Variants in NHEJ1 observed in about 807,000 individuals in gnomAD.
NHEJ1 encodes the protein non-homologous end-joining factor 1.
A neutral mutation model predicts 39.4 loss-of-function variants in NHEJ1; 22 were observed. That is an observed-to-expected ratio of 0.56 (90% CI 0.40 to 0.80). The LOEUF (loss-of-function observed/expected upper bound fraction) is 0.80. Ranked by LOEUF, NHEJ1 falls within the 30% of genes least tolerant of loss-of-function variation. The pLI, the probability that NHEJ1 is intolerant of heterozygous loss-of-function variation, is 0.00. For missense variants in NHEJ1, 329 were observed against 357.1 expected (o/e 0.92, Z 0.63); for synonymous variants, 154 against 135.6 (o/e 1.14, Z -0.94).
intron 3 of NHEJ1, among the ~76,000 whole-genome samples, chr2:219,148,496 C>G (rs1362148246): frequency 6.6e-6 from 1 of 152,106 alleles, no homozygotes; most frequent in Non-Finnish European, 1.5e-5. Flanking sequence ...GAGGTCAAGG[C>G]TTCAGTGAGC....
chr2:219,158,477 T>C (rs559386998), intron 1 of NHEJ1, 115 bp from the exon 2 acceptor site: 13 of 932,414 alleles, frequency 1.4e-5, no homozygotes, highest in African/African-American at 8.0e-5. Context: ...CCTGATAAAA[T>C]AGAAGGCATG....
intron 5 of NHEJ1, among the ~76,000 whole-genome samples, chr2:219,118,120 G>A (rs1304369238): frequency 6.6e-6 from 1 of 152,154 alleles, no homozygotes; most frequent in Non-Finnish European, 1.5e-5. Context: ...CCATTGCCAT[G>A]AGGACCCCTG....
intron 3 of NHEJ1, among the ~76,000 whole-genome samples, chr2:219,148,785 C>G (rs1365146044): frequency 6.6e-6 from 1 of 152,042 alleles, no homozygotes; most frequent in East Asian, 1.9e-4. Context: ...TCTGTTCCCA[C>G]AAATGCAGCA....
At chr2:219,159,954 T>C (rs181939191) in intron 1 of NHEJ1, among the ~76,000 whole-genome samples, 3 of 151,948 alleles carry the variant, frequency 2.0e-5, no homozygotes, top group Non-Finnish European at 2.9e-5. Flanking sequence ...GTTTAAAATG[T>C]GGCCAGGAGT....
chr2:219,104,085 G>A (rs886131533), intron 5 of NHEJ1, among the ~76,000 whole-genome samples: 2 of 147,846 alleles, frequency 1.4e-5, no homozygotes, highest in Non-Finnish European at 1.5e-5. Context: ...GTTTTGTTTT[G>A]TCTCAGGTTT....
At position 219,076,299 on chromosome 2, in the gene NHEJ1, T is replaced by C. The variant is rs762761176; in HGVS notation, c.*82A>G. ...TGACTGTATCACTATTTTAGAAATA[T>C]TGCTGCCATGTAAGCTTCTTTCAAG... On this transcript the variant is annotated 3_prime_UTR_variant, in exon 8 of 8. Coordinates refer to ENST00000356853, the MANE Select transcript of NHEJ1 (RefSeq NM_024782.3). 6.2e-6 allele frequency: 10 copies of C among 1,612,518 alleles called. No homozygotes were observed. Among genetic ancestry groups the C allele is most frequent in the Non-Finnish European group, 8.5e-6 (10 of 1,179,388 alleles).
Position 219,077,315 on chromosome 2 carries a change from T to C in NHEJ1, c.756A>G (p.Gln252=), listed in dbSNP as rs2106319504. 2 of 1,614,128 alleles carry C rather than the reference T, an allele frequency of 1.2e-6. No individual in the cohort carries two copies. The highest frequency in any genetic ancestry group is 1.1e-5 in the South Asian group (1 of 91,076). ...NSASLQGIDS[Q]CVNQPEQLVS... is the part of the protein sequence containing the mutation. ...CCAGTTGTTCTGGCTGGTTTACACA[T>C]TGGCTATCGATTCCTTGCAGGGAAG... is the stretch of plus-strand genomic sequence containing the variant. Residue 252 remains glutamine, a synonymous_variant, in exon 7 of 8, where the codon CAA becomes CAG. Coordinates refer to ENST00000356853, the MANE Select transcript of NHEJ1 (RefSeq NM_024782.3).
chr2:219,135,093 T>A (rs1266045452), intron 5 of NHEJ1, among the ~76,000 whole-genome samples: 1 of 150,904 alleles, frequency 6.6e-6, no homozygotes, highest in Non-Finnish European at 1.5e-5. Flanking sequence ...CTTCATCTTA[T>A]GTTTTTAAAT....
At position 219,159,592 on chromosome 2, in the gene NHEJ1, T is replaced by TATATGC. The variant is rs767501418; in HGVS notation, c.-1+1127_-1+1128insGCATAT. Among the ~76,000 whole-genome samples the TATATGC allele has an allele frequency of 3.4e-3, 315 of 93,930 alleles. 10 individuals carry two copies. Among genetic ancestry groups the TATATGC allele is most frequent in the Middle Eastern group, 0.012 (2 of 170 alleles). The allele number at this position is 93,930 out of a possible 152,430, so 61.6% of individuals were successfully genotyped here. On this transcript the variant is annotated intron_variant, in intron 1 of 7. Transcript: ENST00000356853. ...ATATATATGCATATATATATGCATA[T>TATATGC]ATATATATGCATATATATACATATA...
chr2:219,106,023 T>C (rs1949310172), intron 5 of NHEJ1, among the ~76,000 whole-genome samples: 1 of 152,228 alleles, frequency 6.6e-6, no homozygotes, highest in African/African-American at 2.4e-5. Flanking sequence ...TTTAATAAAA[T>C]AGAATTATAT....
At chr2:219,101,607 C>T (rs1422128490) in intron 5 of NHEJ1, among the ~76,000 whole-genome samples, 1 of 149,062 alleles carries the variant, frequency 6.7e-6, no homozygotes, top group Non-Finnish European at 1.5e-5. Flanking sequence ...GATGGAGTCT[C>T]GCTATGTTTC....
intron 5 of NHEJ1, among the ~76,000 whole-genome samples, chr2:219,129,976 G>GT (rs11435116): frequency 0.58 from 83,332 of 143,560 alleles, 24,235 homozygotes; most frequent in Non-Finnish European, 0.63. Context: ...TTTCTGTCCT[G>GT]TTTTTTTTTT....
At chr2:219,137,844 C>T (rs1390118326) in intron 5 of NHEJ1, among the ~76,000 whole-genome samples, 1 of 152,146 alleles carries the variant, frequency 6.6e-6, no homozygotes, top group Non-Finnish European at 1.5e-5. Context: ...TTTTTCTAAT[C>T]ACTCCACTAC....
chr2:219,098,176 T>C (rs1949225745), intron 5 of NHEJ1, among the ~76,000 whole-genome samples: 1 of 152,140 alleles, frequency 6.6e-6, no homozygotes, highest in South Asian at 2.1e-4. Context: ...CAAAACCCCA[T>C]TTAAATGGTT....
intron 6 of NHEJ1, 101 bp downstream of exon 6, chr2:219,077,988 C>T: frequency 1.2e-6 from 1 of 833,866 alleles, no homozygotes; most frequent in Non-Finnish European, 2.0e-6. Flanking sequence ...TTAATTTAAA[C>T]TTAAATAGTT....
In NHEJ1 at chr2:219,107,364, T is replaced by C. The variant is rs533783783; in HGVS notation, c.589-29158A>G. On this transcript the variant is annotated intron_variant, in intron 5 of 7. Transcript: ENST00000356853. ...AACCTCAGGGTGTATCTGATCAAAATTGCTCGTCTGACAGATGAACCCCAG... is the reference window on the plus strand; with the variant it reads ...AACCTCAGGGTGTATCTGATCAAAACTGCTCGTCTGACAGATGAACCCCAG... Among the ~76,000 whole-genome samples, 5 of 152,232 alleles carry C rather than the reference T, an allele frequency of 3.3e-5. No homozygotes were observed. In the East Asian group the frequency reaches 5.8e-4, roughly 18 times the overall value.
intron 5 of NHEJ1, among the ~76,000 whole-genome samples, chr2:219,127,785 T>G (rs1431061437): frequency 2.0e-5 from 3 of 152,252 alleles, no homozygotes; most frequent in African/African-American, 7.2e-5. Flanking sequence ...CTTCCTTATC[T>G]CCTCTTAAAC....
intron 5 of NHEJ1, among the ~76,000 whole-genome samples, chr2:219,139,954 C>T (rs142156009): frequency 0.02 from 3,027 of 152,364 alleles, 43 homozygotes; most frequent in South Asian, 0.043. Context: ...GCTGCGATTA[C>T]AGGCGTAAGC....
chr2:219,089,975 A>C (rs1392598360), intron 5 of NHEJ1, among the ~76,000 whole-genome samples: 1 of 152,218 alleles, frequency 6.6e-6, no homozygotes. Flanking sequence ...CACAGGATCT[A>C]GAGTCAGACA....
Sources: gnomAD v4.1 joint callset for allele counts (sites outside exome capture counted in the v4.1 genomes callset) on GRCh38, gnomAD v4.1.1 for gene constraint, MANE v1.5 for transcripts, NCBI Gene and HGNC (gene_info 2026-07-23, HGNC 2026-07-21) for gene names.